Variants in UMODL1 observed in about 807,000 individuals in gnomAD.
The protein encoded by UMODL1 is uromodulin like 1.
Under a neutral mutation model 136.3 loss-of-function variants are expected in UMODL1, and 128 were observed. The ratio of observed to expected loss-of-function variants is 0.94; its 90% CI spans 0.81 to 1.09. UMODL1 has a LOEUF of 1.09. UMODL1 is among the 50% of genes least tolerant of loss of function. The pLI, the probability that UMODL1 is intolerant of heterozygous loss-of-function variation, is 0.00. For missense variants in UMODL1, 1,766 were observed against 1,725.6 expected (o/e 1.02, Z -0.41); for synonymous variants, 721 against 720.0 (o/e 1.00, Z -0.02).
chr21:42,108,516 G>T, intron 9 of UMODL1: 1 of 404,088 alleles, frequency 2.5e-6, no homozygotes, highest in Admixed American at 2.7e-5. Context: ...CAGCAGCAGG[G>T]TTTTCTTTGC....
intron 8 of UMODL1, 149 bp from the exon 9 acceptor site, chr21:42,103,719 C>A (rs190311402): frequency 9.9e-6 from 9 of 909,580 alleles, no homozygotes; most frequent in African/African-American, 9.8e-5. Flanking sequence ...GACTTCTCTG[C>A]GTGCTCTGAG....
chr21:42,101,719 G>A (rs921768903), intron 7 of UMODL1: 6 of 456,522 alleles, frequency 1.3e-5, no homozygotes, highest in Admixed American at 2.3e-5. Flanking sequence ...GTACGTTCTT[G>A]AGAAGTTGGA....
chr21:42,096,030 TG>T (rs929505336), intron 6 of UMODL1, among the ~76,000 whole-genome samples: 3 of 152,176 alleles, frequency 2.0e-5, no homozygotes, highest in Non-Finnish European at 4.4e-5. Flanking sequence ...TGCGTTAGCT[TG>T]GACACTGTGG....
rs372219715 is a variant in UMODL1, at chr21:42,121,127, G to C, written c.2730G>C (p.Pro910=). Residue 910 remains proline, a synonymous_variant, in exon 16 of 23, where the codon CCG becomes CCC. Coordinates refer to ENST00000408910, the MANE Select transcript of UMODL1 (RefSeq NM_001004416.3). ...ECERKEDDCV[P]GTSCRNTLGS... is the part of the protein sequence containing the mutation. Reference sequence around the variant, plus strand: ...AAAGGAAGGAGGACGACTGTGTGCCGGGGACATCCTGTCGAAACACCCTCG... The same window carrying C: ...AAAGGAAGGAGGACGACTGTGTGCCCGGGACATCCTGTCGAAACACCCTCG... 3.7e-6 allele frequency: 6 copies of C among 1,613,774 alleles called. No homozygotes were observed. Among genetic ancestry groups the C allele is most frequent in the Non-Finnish European group, 5.1e-6 (6 of 1,179,896 alleles).
At chr21:42,105,690 C>A (rs2066705074) in intron 9 of UMODL1, among the ~76,000 whole-genome samples, 1 of 152,198 alleles carries the variant, frequency 6.6e-6, no homozygotes, top group South Asian at 2.1e-4. Context: ...CAAAGGACTC[C>A]TGGAGCCACA....
rs200196209 is a variant in UMODL1 at position 42,119,328 on chromosome 21, C to T, written c.2689+4C>T. On this transcript the variant is annotated splice_donor_region_variant and intron_variant, in intron 15 of 22. Coordinates refer to ENST00000408910, the MANE Select transcript of UMODL1 (RefSeq NM_001004416.3). ...AGAGGCGACACCTTCATACAGGGTACGAGAGGCTGGGATGGAGCCTCTCCC... is the reference window on the plus strand; with the variant it reads ...AGAGGCGACACCTTCATACAGGGTATGAGAGGCTGGGATGGAGCCTCTCCC... The T allele has an allele frequency of 1.0e-4, 168 of 1,613,088 alleles. 1 individual carries two copies. The highest frequency in any genetic ancestry group is 5.7e-4 in the South Asian group (52 of 91,064).
chr21:42,078,775 C>T (rs536873465), intron 2 of UMODL1, among the ~76,000 whole-genome samples: 1 of 152,384 alleles, frequency 6.6e-6, no homozygotes, highest in South Asian at 2.1e-4. Flanking sequence ...AGCAATGGCC[C>T]TTCTGTACTC....
At chr21:42,077,010 T>C (rs1309095023) in intron 2 of UMODL1, among the ~76,000 whole-genome samples, 1 of 41,022 alleles carries the variant, frequency 2.4e-5, no homozygotes, top group South Asian at 7.3e-4. Context: ...GGGGTGTGTG[T>C]GTGTGTGTGT....
At chr21:42,135,744 G>C (rs1039758275) in intron 21 of UMODL1, among the ~76,000 whole-genome samples, 3 of 152,162 alleles carry the variant, frequency 2.0e-5, no homozygotes, top group Non-Finnish European at 2.9e-5. Flanking sequence ...ACTTTGGCTG[G>C]AGGGTGGGAG....
intron 4 of UMODL1, chr21:42,086,718 C>G: frequency 2.3e-6 from 1 of 440,492 alleles, no homozygotes; most frequent in Non-Finnish European, 4.6e-6. Flanking sequence ...GTAATCCCAG[C>G]ACTTTGGGAG....
chr21:42,105,347 C>T (rs1032473565), intron 9 of UMODL1, among the ~76,000 whole-genome samples: 5 of 152,160 alleles, frequency 3.3e-5, no homozygotes, highest in African/African-American at 4.8e-5. Flanking sequence ...CCACCCAGCC[C>T]GCCCTCCACA....
intron 15 of UMODL1, chr21:42,120,476 C>A (rs2066955067): frequency 6.6e-6 from 1 of 152,228 alleles, no homozygotes; most frequent in South Asian, 2.1e-4. Flanking sequence ...TACCAGGTGT[C>A]CCCGCCCCGG....
chr21:42,109,349 A>G (rs963121358), intron 9 of UMODL1, among the ~76,000 whole-genome samples: 1 of 152,204 alleles, frequency 6.6e-6, no homozygotes, highest in Non-Finnish European at 1.5e-5. Flanking sequence ...ACATTTCCTA[A>G]TCTTTGCCCC....
At chr21:42,124,321 GC>G (rs1342810309) in intron 17 of UMODL1, among the ~76,000 whole-genome samples, 1 of 152,188 alleles carries the variant, frequency 6.6e-6, no homozygotes, top group Non-Finnish European at 1.5e-5. Context: ...CAGGGAAGCT[GC>G]CTGGAGGGGC....
intron 2 of UMODL1, 31 bp downstream of exon 2, chr21:42,076,278 G>C (rs878963188): frequency 6.2e-7 from 1 of 1,609,634 alleles, no homozygotes; most frequent in Non-Finnish European, 8.5e-7. Context: ...CTGGGGCGGG[G>C]CCACCCTTGC....
At chr21:42,072,339 A>T (rs1471244210) in intron 1 of UMODL1, among the ~76,000 whole-genome samples, 1 of 152,222 alleles carries the variant, frequency 6.6e-6, no homozygotes, top group Non-Finnish European at 1.5e-5. Context: ...AATTTAAAGG[A>T]ATCCATTCTG....
chr21:42,105,806 G>T (rs2066707466), intron 9 of UMODL1, among the ~76,000 whole-genome samples: 1 of 152,182 alleles, frequency 6.6e-6, no homozygotes, highest in Non-Finnish European at 1.5e-5. Context: ...GGAACGGCGG[G>T]AATACATCTG....
At chr21:42,093,102 C>T (rs1276757671) in intron 6 of UMODL1, among the ~76,000 whole-genome samples, 1 of 152,234 alleles carries the variant, frequency 6.6e-6, no homozygotes, top group African/African-American at 2.4e-5. Context: ...GTGCTTAGGA[C>T]CAAGAGTTGG....
intron 6 of UMODL1, among the ~76,000 whole-genome samples, chr21:42,090,960 G>A (rs374687599): frequency 1.1e-4 from 17 of 152,184 alleles, no homozygotes; most frequent in Admixed American, 4.6e-4. Context: ...GTGAGCTGCC[G>A]TTTTTTTCTT....
Sources: allele counts gnomAD v4.1 joint callset (sites outside exome capture counted in the v4.1 genomes callset), GRCh38; gene constraint gnomAD v4.1.1; transcripts MANE v1.5; gene names NCBI Gene and HGNC (gene_info 2026-07-23, HGNC 2026-07-21).